LARGE1: variants seen among roughly 807,000 people sequenced by gnomAD.
LARGE1 encodes the protein LARGE xylosyl- and glucuronyltransferase 1.
LARGE1 carries 43 observed loss-of-function variants against 87.6 expected under a neutral mutation model. The observed-to-expected ratio is 0.49, with a 90% confidence interval of 0.38 to 0.63. The LOEUF is 0.63. LARGE1 is among the 30% of genes least tolerant of loss of function. The pLI is 0.00. For synonymous variants in LARGE1, 434 were observed against 394.6 expected (o/e 1.10, Z -1.18); for missense variants, 802 against 1,000.2 (o/e 0.80, Z 2.67).
the LARGE1 span, among the ~76,000 whole-genome samples, chr22:33,115,588 C>T: frequency 0.034 from 5,194 of 151,834 alleles, 305 homozygotes; most frequent in African/African-American, 0.12. Flanking sequence ...GAGGTCAAGG[C>T]GGGGGAATCA....
intron 7 of LARGE1, among the ~76,000 whole-genome samples, chr22:33,402,435 T>G (rs879669430): frequency 2.0e-5 from 3 of 152,096 alleles, no homozygotes; most frequent in African/African-American, 7.2e-5. Flanking sequence ...TCTGACTAAT[T>G]TGGGAATGAC....
intron 1 of LARGE1, among the ~76,000 whole-genome samples, chr22:33,854,677 T>TAA (rs3072344): frequency 0.23 from 33,723 of 148,890 alleles, 3,950 homozygotes; most frequent in African/African-American, 0.29. Context: ...CCAGTTTATT[T>TAA]AAAAAAAAAA....
chr22:33,439,225 A>C (rs1310895718), intron 6 of LARGE1, among the ~76,000 whole-genome samples: 1 of 151,906 alleles, frequency 6.6e-6, no homozygotes, highest in Non-Finnish European at 1.5e-5. Flanking sequence ...AAAAAAAAAA[A>C]AAAAGGATGA....
chr22:33,255,096 C>T (rs560369060), intron 11 of LARGE1, among the ~76,000 whole-genome samples: 3 of 152,124 alleles, frequency 2.0e-5, no homozygotes, highest in African/African-American at 4.8e-5. Flanking sequence ...TGCCACCACA[C>T]CCAGCTAATT....
At chr22:33,619,400 C>A (rs1235169395) in intron 4 of LARGE1, among the ~76,000 whole-genome samples, 1 of 151,630 alleles carries the variant, frequency 6.6e-6, no homozygotes, top group East Asian at 1.9e-4. Context: ...ACTAAAAATA[C>A]AAAAATTAGC....
At chr22:33,242,529 C>T (rs1389260921) in intron 11 of LARGE1, among the ~76,000 whole-genome samples, 1 of 152,166 alleles carries the variant, frequency 6.6e-6, no homozygotes, top group African/African-American at 2.4e-5. Context: ...GACACGATCT[C>T]AGCACTCCTG....
At chr22:33,564,580 G>A (rs1196967154) in intron 6 of LARGE1, among the ~76,000 whole-genome samples, 1 of 152,112 alleles carries the variant, frequency 6.6e-6, no homozygotes, top group African/African-American at 2.4e-5. Context: ...TGAACACTCC[G>A]CTATCTGCAT....
At chr22:33,449,990 C>A (rs1272626448) in intron 6 of LARGE1, among the ~76,000 whole-genome samples, 1 of 151,990 alleles carries the variant, frequency 6.6e-6, no homozygotes, top group Non-Finnish European at 1.5e-5. Flanking sequence ...TGGCTCACTG[C>A]AACCTCCGCC....
intron 11 of LARGE1, among the ~76,000 whole-genome samples, chr22:33,212,181 T>G (rs989156407): frequency 6.6e-6 from 1 of 152,054 alleles, no homozygotes; most frequent in Non-Finnish European, 1.5e-5. Context: ...ATCTAGGACT[T>G]TCTTAGCTAG....
At chr22:33,464,492 TGCA>T (rs2068507338) in intron 6 of LARGE1, among the ~76,000 whole-genome samples, 1 of 152,142 alleles carries the variant, frequency 6.6e-6, no homozygotes. Context: ...AGGCTTAGTT[TGCA>T]GAACAGATAA....
intron 13 of LARGE1, 27 bp downstream of exon 13, chr22:33,283,175 C>A: frequency 6.2e-7 from 1 of 1,613,774 alleles, no homozygotes; most frequent in Non-Finnish European, 8.5e-7. Flanking sequence ...CGAGCACCCC[C>A]AGAGTACAGC....
At position 33,272,533 on chromosome 22, in the gene LARGE1, T is replaced by C. The variant is rs913936673; in HGVS notation, c.*1894A>G. ...CTTTCAAAATTTTTGTTCTGCTTTA[T>C]ACATATATGTCACTTTTTATTTATA... On this transcript the variant is annotated 3_prime_UTR_variant, in exon 15 of 15. Coordinates refer to ENST00000397394, the MANE Select transcript of LARGE1 (RefSeq NM_133642.5). 5.9e-5 allele frequency among the ~76,000 whole-genome samples: 9 copies of C among 152,242 alleles called. No individual in the cohort carries two copies. Among genetic ancestry groups the C allele is most frequent in the Non-Finnish European group, 1.2e-4 (8 of 68,048 alleles).
chr22:33,353,284 TG>T (rs1243636359), intron 9 of LARGE1, among the ~76,000 whole-genome samples: 1 of 152,216 alleles, frequency 6.6e-6, no homozygotes, highest in Non-Finnish European at 1.5e-5. Flanking sequence ...GTCTTAAGCT[TG>T]ACAATGTTTC....
rs548208103 is a variant in LARGE1 at position 33,281,549 on chromosome 22, A to G, written c.1877+1653T>C. On this transcript the variant is annotated intron_variant, in intron 13 of 14. Transcript: ENST00000397394. ...TCTCAGAGCCTCAGTTTCATTATCC[A>G]TGCAATGGGGATGATAGTATCTGTC... Among the ~76,000 whole-genome samples, 142 of 152,320 alleles carry G rather than the reference A, an allele frequency of 9.3e-4. 2 individuals are homozygous for G. In the South Asian group the frequency reaches 1.0e-2, roughly 11 times the overall value.
intron 11 of LARGE1, among the ~76,000 whole-genome samples, chr22:33,198,151 G>A (rs1038518474): frequency 2.0e-5 from 3 of 152,040 alleles, no homozygotes; most frequent in Admixed American, 1.3e-4. Flanking sequence ...GGTGGGTGGG[G>A]GGAACAGGAG....
intron 6 of LARGE1, among the ~76,000 whole-genome samples, chr22:33,501,755 C>G: frequency 6.6e-6 from 1 of 152,290 alleles, no homozygotes; most frequent in Middle Eastern, 3.4e-3. Context: ...TGCCGTCCTT[C>G]GAGCCCAAAG....
At chr22:33,150,653 A>G in the LARGE1 span, among the ~76,000 whole-genome samples, 2 of 152,308 alleles carry the variant, frequency 1.3e-5, no homozygotes, top group East Asian at 3.9e-4. Flanking sequence ...TTAAGGTTCA[A>G]TTTTTGCCTA....
chr22:33,272,987 G>A lies in LARGE1; in HGVS notation c.*1440C>T, dbSNP rs1928447687. 1 of 159,690 alleles carries A rather than the reference G, an allele frequency of 6.3e-6. No homozygotes were observed. Among genetic ancestry groups the A allele is most frequent in the African/African-American group, 2.4e-5 (1 of 41,754 alleles). The allele number at this position is 159,690 out of a possible 1,614,324, so 9.9% of individuals were successfully genotyped here. On this transcript the variant is annotated 3_prime_UTR_variant, in exon 15 of 15. Coordinates refer to ENST00000397394, the MANE Select transcript of LARGE1 (RefSeq NM_133642.5). ...ATGAGAAAAATAGAATGGGGGAACA[G>A]AAAGTGTGAAGTTGCTGTTTATCCA...
At chr22:33,280,935 G>A (rs2145869471) in intron 13 of LARGE1, among the ~76,000 whole-genome samples, 1 of 152,324 alleles carries the variant, frequency 6.6e-6, no homozygotes, top group East Asian at 1.9e-4. Context: ...AAGTTCCTAA[G>A]TGATGCTGAA....
Sources: gnomAD v4.1 joint callset for allele counts (sites outside exome capture counted in the v4.1 genomes callset) on GRCh38, gnomAD v4.1.1 for gene constraint, MANE v1.5 for transcripts, NCBI Gene and HGNC (gene_info 2026-07-23, HGNC 2026-07-21) for gene names.